OLR1: variants seen among roughly 807,000 people sequenced by gnomAD.
OLR1 encodes oxidized low density lipoprotein receptor 1, also known as oxidized low-density lipoprotein receptor 1.
A neutral mutation model predicts 31.7 loss-of-function variants in OLR1; 23 were observed. The ratio of observed to expected loss-of-function variants is 0.72; its 90% CI spans 0.52 to 1.03. The LOEUF (loss-of-function observed/expected upper bound fraction) is 1.03. Among genes scored for constraint, OLR1 ranks in the 50% least tolerant of loss-of-function variants. The pLI, the probability that OLR1 is intolerant of heterozygous loss-of-function variation, is 0.00. For missense variants in OLR1, 286 were observed against 315.7 expected (o/e 0.91, Z 0.71); for synonymous variants, 117 against 115.8 (o/e 1.01, Z -0.07).
In OLR1 at chr12:10,169,757, A is replaced by G. The variant is rs181946313; in HGVS notation, c.77-582T>C. 7.1e-4 allele frequency among the ~76,000 whole-genome samples: 108 copies of G among 152,366 alleles called. 2 individuals carry two copies. The East Asian group carries it at 0.016, about 23-fold the overall frequency. Reference sequence around the variant, plus strand: ...AACCTGGAACTGGGGTTATTAATCAAAGAAAAGTAGGGATGAAACCTTGAT... The same window carrying G: ...AACCTGGAACTGGGGTTATTAATCAGAGAAAAGTAGGGATGAAACCTTGAT... On this transcript the variant is annotated intron_variant, in intron 1 of 5. Transcript: ENST00000309539.
upstream of OLR1, among the ~76,000 whole-genome samples, chr12:10,173,807 C>T (rs1485448992): frequency 6.7e-6 from 1 of 150,110 alleles, no homozygotes; most frequent in Non-Finnish European, 1.5e-5. Flanking sequence ...GAAACGATAT[C>T]ACACTGAAAA....
chr12:10,167,991 G>A (rs1948676679), intron 2 of OLR1, among the ~76,000 whole-genome samples: 1 of 152,120 alleles, frequency 6.6e-6, no homozygotes, highest in Non-Finnish European at 1.5e-5. Flanking sequence ...ACTAAGTCAA[G>A]GGCACTTCTC....
At chr12:10,175,363 C>T (rs1425690673), upstream of OLR1, 1 of 152,144 alleles carries the variant, frequency 6.6e-6, no homozygotes, top group Non-Finnish European at 1.5e-5. Context: ...TGAATCTTCC[C>T]AGGCTCACCT....
chr12:10,166,688 C>T (rs1287863752), intron 3 of OLR1, 24 bp downstream of exon 3: 2 of 1,613,306 alleles, frequency 1.2e-6, no homozygotes, highest in East Asian at 2.2e-5. Context: ...CACTATGTCT[C>T]CTTACCCACC....
chr12:10,169,242 G>A (rs1484669982), intron 1 of OLR1, 67 bp from the exon 2 acceptor site: 2 of 1,114,540 alleles, frequency 1.8e-6, no homozygotes, highest in Non-Finnish European at 2.6e-6. Context: ...CCATTCCTTG[G>A]AGCCTGTCTG....
intron 2 of OLR1, 74 bp from the exon 3 acceptor site, chr12:10,167,031 A>G (rs1948669075): frequency 7.1e-7 from 1 of 1,407,938 alleles, no homozygotes; most frequent in Admixed American, 2.2e-5. Context: ...TGAGGAAATC[A>G]AAACAGAATT....
At chr12:10,168,295 T>C (rs1565422129) in intron 2 of OLR1, among the ~76,000 whole-genome samples, 1 of 151,488 alleles carries the variant, frequency 6.6e-6, no homozygotes, top group East Asian at 1.9e-4. Flanking sequence ...TTATTTTAAA[T>C]GTTTTATTTA....
In OLR1 at chr12:10,159,854, T is replaced by C; in HGVS notation, c.*26A>G. 6.3e-7 allele frequency: 1 copy of C among 1,577,368 alleles called. No individual in the cohort carries two copies. Among genetic ancestry groups the C allele is most frequent in the Non-Finnish European group, 8.6e-7 (1 of 1,160,308 alleles). On this transcript the variant is annotated 3_prime_UTR_variant, in exon 6 of 6. Transcript: ENST00000309539. ...TTCCAGAATAAAACTCAAAGACTTT[T>C]TTCTTTTCTTCCAGAGCCTTCAAAT...
chr12:10,166,994 C>A (rs1385895258), intron 2 of OLR1, 37 bp from the exon 3 acceptor site: 1 of 1,569,572 alleles, frequency 6.4e-7, no homozygotes, highest in Non-Finnish European at 8.6e-7. Flanking sequence ...AGTTCTAATC[C>A]AAATAAAAAT....
At chr12:10,164,659 A>G (rs892846786) in intron 3 of OLR1, among the ~76,000 whole-genome samples, 1 of 152,204 alleles carries the variant, frequency 6.6e-6, no homozygotes, top group African/African-American at 2.4e-5. Flanking sequence ...CCAAGGAAAC[A>G]AAGTACCTCT....
chr12:10,170,783 A>C (rs1047481457), intron 1 of OLR1: 1 of 152,108 alleles, frequency 6.6e-6, no homozygotes, highest in Non-Finnish European at 1.5e-5. Flanking sequence ...GCCTGGCCTC[A>C]TCACTCTTAA....
In OLR1 at chr12:10,162,961, G is replaced by A. The variant is rs57740629; in HGVS notation, c.425-2036C>T. On this transcript the variant is annotated intron_variant, in intron 3 of 5. Transcript: ENST00000309539. ...TTAAACTTACTGTATTTCTTTGTGT[G>A]TGTGTGTGTGTGTGTACACAAAAAT... Among the ~76,000 whole-genome samples the A allele has an allele frequency of 2.3e-3, 253 of 110,660 alleles. 2 individuals are homozygous for A. The highest frequency in any genetic ancestry group is 6.7e-3 in the African/African-American group (239 of 35,878). The allele number at this position is 110,660 out of a possible 152,430, so 72.6% of individuals were successfully genotyped here.
chr12:10,172,103 G>C lies in OLR1; in HGVS notation c.-26C>G. On this transcript the variant is annotated 5_prime_UTR_variant, in exon 1 of 6. Coordinates refer to ENST00000309539, the MANE Select transcript of OLR1 (RefSeq NM_002543.4). ...TTCCAAATTCAAGCTAAGAATGAGA[G>C]AGTGAAGCAGTCACGAACTTCAACA... 1 of 1,568,434 alleles carries C rather than the reference G, an allele frequency of 6.4e-7. No individual in the cohort carries two copies. The highest frequency in any genetic ancestry group is 8.8e-7 in the Non-Finnish European group (1 of 1,139,266).
intron 3 of OLR1, among the ~76,000 whole-genome samples, chr12:10,162,769 A>C (rs1473324196): frequency 6.6e-6 from 1 of 152,198 alleles, no homozygotes; most frequent in African/African-American, 2.4e-5. Context: ...TGGAGGTTGC[A>C]GTGAGCTGAG....
Position 10,160,419 on chromosome 12 carries a change from C to T in OLR1, c.608G>A (p.Trp203Ter). The change falls in exon 5 of 6, where the codon TGG becomes TAG. Residue 203 changes from tryptophan to a stop codon, truncating the protein, a stop_gained. Coordinates refer to ENST00000309539, the MANE Select transcript of OLR1 (RefSeq NM_002543.4). LOFTEE classifies it high-confidence loss of function. ...QAISYSSFPF[W>*]MGLSRRNPSY... ...GGGGTTCCTCCGAGACAGCCCCATC[C>T]AGAATGGAAAACTGGAATAGGAAAT... is the stretch of plus-strand genomic sequence containing the variant. 6.2e-7 allele frequency: 1 copy of T among 1,613,826 alleles called. No homozygotes were observed. Among genetic ancestry groups the T allele is most frequent in the Non-Finnish European group, 8.5e-7 (1 of 1,179,918 alleles).
At chr12:10,173,301 C>G (rs1948738764), upstream of OLR1, among the ~76,000 whole-genome samples, 1 of 148,314 alleles carries the variant, frequency 6.7e-6, no homozygotes, top group African/African-American at 2.5e-5. Flanking sequence ...TTAAATTACT[C>G]CAGGAAAAAA....
At chr12:10,160,209 G>T in intron 5 of OLR1, 138 bp downstream of exon 5, 1 of 908,634 alleles carries the variant, frequency 1.1e-6, no homozygotes, top group Non-Finnish European at 1.7e-6. Flanking sequence ...GGTAAGGAAG[G>T]AGACTTTGAG....
intron 3 of OLR1, among the ~76,000 whole-genome samples, chr12:10,166,225 T>C (rs915211547): frequency 4.0e-5 from 6 of 150,370 alleles, no homozygotes; most frequent in African/African-American, 1.5e-4. Context: ...TAAAAAATAA[T>C]AATAAAATAA....
chr12:10,166,890 C>G lies in OLR1; in HGVS notation c.246G>C (p.Glu82Asp), dbSNP rs1450128955. 1 of 1,613,598 alleles carries G rather than the reference C, an allele frequency of 6.2e-7. No homozygotes were observed. Among genetic ancestry groups the G allele is most frequent in the Non-Finnish European group, 8.5e-7 (1 of 1,179,998 alleles). The change falls in exon 3 of 6, where the codon GAG (glutamate) becomes GAC (aspartate). Residue 82 changes from glutamate to aspartate, a missense_variant. By Grantham distance (45) the Glu-to-Asp change is conservative (BLOSUM62 2). Coordinates refer to ENST00000309539, the MANE Select transcript of OLR1 (RefSeq NM_002543.4). ...ANLTHQKKKL[E>D]GQISARQQAE... is the part of the protein sequence containing the mutation. ...CTTGTTGCCGGGCTGAGATCTGTCC[C>G]TCCAGTTTCTTTTTCTGGTGAGTTA...
Sources: allele counts gnomAD v4.1 joint callset (sites outside exome capture counted in the v4.1 genomes callset), GRCh38; gene constraint gnomAD v4.1.1; transcripts MANE v1.5; gene names NCBI Gene and HGNC (gene_info 2026-07-23, HGNC 2026-07-21).